The following HEMK2 variants were observed in gnomAD, a reference collection of about 807,000 sequenced individuals.
The protein encoded by HEMK2 is HemK methyltransferase 2, ETF1 glutamine and histone H4 lysine, also known as methyltransferase HEMK2.
At chr21:28,589,154 T>C in the HEMK2 span, among the ~76,000 whole-genome samples, 74,073 of 151,830 alleles carry the variant, frequency 0.49, 19,299 homozygotes, top group African/African-American at 0.67. Flanking sequence ...TATCAGGCTG[T>C]TGAGGAGAGA....
At chr21:28,634,771 C>T in the HEMK2 span, among the ~76,000 whole-genome samples, 36 of 152,198 alleles carry the variant, frequency 2.4e-4, no homozygotes, top group East Asian at 3.1e-3. Context: ...AACTTATAGA[C>T]GTATTATAAG....
At chr21:28,677,997 T>C in the HEMK2 span, among the ~76,000 whole-genome samples, 1 of 152,158 alleles carries the variant, frequency 6.6e-6, no homozygotes, top group Non-Finnish European at 1.5e-5. Flanking sequence ...CCTCTCCTCC[T>C]CCAAAGGAAT....
the HEMK2 span, among the ~76,000 whole-genome samples, chr21:28,763,372 G>A: frequency 3.3e-5 from 5 of 152,100 alleles, no homozygotes; most frequent in African/African-American, 1.2e-4. Flanking sequence ...CATGTCATAT[G>A]GTGAGAGAGG....
chr21:28,577,501 G>A, the HEMK2 span: 6 of 152,112 alleles, frequency 3.9e-5, no homozygotes, highest in Non-Finnish European at 8.8e-5. Flanking sequence ...TAATAGATTT[G>A]CAATAAGCAT....
At chr21:28,655,852 T>C in the HEMK2 span, among the ~76,000 whole-genome samples, 1 of 152,076 alleles carries the variant, frequency 6.6e-6, no homozygotes, top group Non-Finnish European at 1.5e-5. Context: ...ATAAAATATC[T>C]GCATTTATAT....
the HEMK2 span, among the ~76,000 whole-genome samples, chr21:28,725,266 C>G: frequency 4.6e-5 from 7 of 152,106 alleles, no homozygotes; most frequent in African/African-American, 1.7e-4. Context: ...AAGTAAGTGA[C>G]TTATGGCACA....
the HEMK2 span, among the ~76,000 whole-genome samples, chr21:28,740,232 TTCCA>T: frequency 5.3e-5 from 8 of 152,272 alleles, no homozygotes; most frequent in African/African-American, 1.9e-4. Flanking sequence ...TCCAAAGCTA[TTCCA>T]TGAAGCAGGT....
the HEMK2 span, among the ~76,000 whole-genome samples, chr21:28,689,514 C>T: frequency 6.6e-6 from 1 of 151,948 alleles, no homozygotes; most frequent in Admixed American, 6.6e-5. Flanking sequence ...AATTTTTTAG[C>T]CTTCATATAT....
the HEMK2 span, among the ~76,000 whole-genome samples, chr21:28,839,862 A>C: frequency 6.6e-6 from 1 of 152,164 alleles, no homozygotes; most frequent in Non-Finnish European, 1.5e-5. Flanking sequence ...AATTAGAAAA[A>C]CAATTCCAAA....
the HEMK2 span, among the ~76,000 whole-genome samples, chr21:28,734,239 T>C: frequency 6.6e-6 from 1 of 152,170 alleles, no homozygotes; most frequent in Non-Finnish European, 1.5e-5. Flanking sequence ...CTGAGTTCAT[T>C]GAAAACAGTT....
chr21:28,873,719 C>T, the HEMK2 span: 1 of 152,224 alleles, frequency 6.6e-6, no homozygotes, highest in African/African-American at 2.4e-5. Flanking sequence ...GGAACAATCA[C>T]CCAGCCAGCA....
At chr21:28,843,423 A>G in the HEMK2 span, among the ~76,000 whole-genome samples, 1 of 152,130 alleles carries the variant, frequency 6.6e-6, no homozygotes, top group Non-Finnish European at 1.5e-5. Context: ...CTCCCTTGAC[A>G]TGTGGTGATT....
the HEMK2 span, among the ~76,000 whole-genome samples, chr21:28,831,618 A>AGAAG: frequency 7.1e-5 from 6 of 84,346 alleles, no homozygotes; most frequent in Admixed American, 1.3e-4. Context: ...AAAGAAGGAA[A>AGAAG]GAAGGAAAGA....
chr21:28,849,651 A>G, the HEMK2 span, among the ~76,000 whole-genome samples: 1 of 152,248 alleles, frequency 6.6e-6, no homozygotes, highest in Non-Finnish European at 1.5e-5. Context: ...GAGGTAAAAC[A>G]CGAAATCGCC....
At chr21:28,827,000 G>C in the HEMK2 span, among the ~76,000 whole-genome samples, 1 of 152,168 alleles carries the variant, frequency 6.6e-6, no homozygotes, top group African/African-American at 2.4e-5. Context: ...TCAGAGCAGA[G>C]TGGAGAAGAT....
At chr21:28,810,757 T>C in the HEMK2 span, among the ~76,000 whole-genome samples, 1 of 152,166 alleles carries the variant, frequency 6.6e-6, no homozygotes, top group Non-Finnish European at 1.5e-5. Context: ...TCTTCCACAG[T>C]ATTCTCACTG....
At chr21:28,839,692 A>G in the HEMK2 span, among the ~76,000 whole-genome samples, 1 of 152,214 alleles carries the variant, frequency 6.6e-6, no homozygotes, top group African/African-American at 2.4e-5. Context: ...GGAAAACTAT[A>G]AAACACTGCT....
chr21:28,673,263 G>A, the HEMK2 span, among the ~76,000 whole-genome samples: 1 of 152,188 alleles, frequency 6.6e-6, no homozygotes, highest in South Asian at 2.1e-4. Flanking sequence ...GCATGATAGT[G>A]TTTTAGCAAT....
the HEMK2 span, among the ~76,000 whole-genome samples, chr21:28,611,880 C>T: frequency 2.1e-4 from 31 of 146,942 alleles, no homozygotes; most frequent in Non-Finnish European, 1.2e-4. Context: ...CCACTGCACT[C>T]CAGTCTGGGA....
Sources: gnomAD v4.1 joint callset for allele counts (sites outside exome capture counted in the v4.1 genomes callset) on GRCh38, gnomAD v4.1.1 for gene constraint, MANE v1.5 for transcripts, NCBI Gene and HGNC (gene_info 2026-07-23, HGNC 2026-07-21) for gene names.